ERI3: variants seen among roughly 807,000 people sequenced by gnomAD.
ERI3 encodes ERI1 exoribonuclease family member 3.
In ERI3, 18 loss-of-function variants were observed where a neutral mutation model predicts 44.4. The observed-to-expected ratio is 0.41, with a 90% CI of 0.28 to 0.60. The LOEUF is 0.60. ERI3 is among the 20% of genes least tolerant of loss of function. The probability of loss-of-function intolerance (pLI) is 0.36; values close to 1 mark genes in which losing one functional copy is unlikely to be tolerated. For missense variants in ERI3, 294 were observed against 435.5 expected (o/e 0.68, Z 2.89); for synonymous variants, 183 against 164.8 (o/e 1.11, Z -0.84).
At chr1:44,342,858 T>TAAATATATA in intron 2 of ERI3, among the ~76,000 whole-genome samples, 1 of 11,378 alleles carries the variant, frequency 8.8e-5, no homozygotes, top group Non-Finnish European at 1.6e-4. Context: ...TATATATATA[T>TAAATATATA]TTTTTTTTTT....
chr1:44,266,354 T>C (rs1644991010), intron 7 of ERI3, among the ~76,000 whole-genome samples: 1 of 152,224 alleles, frequency 6.6e-6, no homozygotes. Flanking sequence ...CCATACAGGC[T>C]ATCTTGACAC....
At chr1:44,233,395 A>C (rs1644231196) in intron 8 of ERI3, among the ~76,000 whole-genome samples, 4 of 149,592 alleles carry the variant, frequency 2.7e-5, no homozygotes, top group Admixed American at 2.7e-4. Flanking sequence ...GCCAAGCCTG[A>C]TGTCACGTTC....
At chr1:44,285,026 T>C in intron 6 of ERI3, 119 bp from the exon 7 acceptor site, 1 of 784,478 alleles carries the variant, frequency 1.3e-6, no homozygotes, top group East Asian at 2.7e-5. Flanking sequence ...GTCAACCCAT[T>C]AGCCATGGGT....
chr1:44,246,425 G>A (rs2786928), intron 8 of ERI3, among the ~76,000 whole-genome samples: 4,123 of 152,338 alleles, frequency 0.027, 85 homozygotes, highest in African/African-American at 0.057. Flanking sequence ...GTCTTCTCTA[G>A]ATTGTTTGGA....
intron 8 of ERI3, chr1:44,242,016 C>T: frequency 1.0e-6 from 1 of 985,718 alleles, no homozygotes; most frequent in Non-Finnish European, 1.2e-6. Flanking sequence ...CCAAGGGGGT[C>T]AGCTCAGGAA....
At chr1:44,302,196 C>T (rs991030682) in intron 6 of ERI3, among the ~76,000 whole-genome samples, 1 of 152,246 alleles carries the variant, frequency 6.6e-6, no homozygotes, top group Non-Finnish European at 1.5e-5. Flanking sequence ...GAGAAGCATT[C>T]ATATCTCTTT....
At chr1:44,352,453 GATAGATAGATAA>G (rs1481950811) in intron 2 of ERI3, among the ~76,000 whole-genome samples, 2 of 85,484 alleles carry the variant, frequency 2.3e-5, no homozygotes, top group Admixed American at 1.1e-4. Flanking sequence ...TAGATAGATA[GATAGATAGATAA>G]ATGTTTAAAG....
At chr1:44,291,148 T>C (rs1645499605) in intron 6 of ERI3, among the ~76,000 whole-genome samples, 1 of 152,206 alleles carries the variant, frequency 6.6e-6, no homozygotes, top group Non-Finnish European at 1.5e-5. Flanking sequence ...TAGGGGTTTC[T>C]CATTTCAACA....
chr1:44,323,205 C>G (rs1191829831), intron 3 of ERI3, among the ~76,000 whole-genome samples: 2 of 152,240 alleles, frequency 1.3e-5, no homozygotes. Context: ...AATTAAACTA[C>G]CTGAGTGCCT....
At chr1:44,340,133 T>C (rs1305691604) in intron 2 of ERI3, among the ~76,000 whole-genome samples, 6 of 146,794 alleles carry the variant, frequency 4.1e-5, no homozygotes. Flanking sequence ...AGTAAAGTTT[T>C]CTGAGTGAAC....
chr1:44,273,145 G>T (rs1025808067), intron 7 of ERI3, among the ~76,000 whole-genome samples: 1 of 152,182 alleles, frequency 6.6e-6, no homozygotes, highest in Non-Finnish European at 1.5e-5. Flanking sequence ...AATGTATTCT[G>T]TATGGAATAA....
chr1:44,227,725 G>A (rs954682589), intron 8 of ERI3, among the ~76,000 whole-genome samples: 4 of 152,158 alleles, frequency 2.6e-5, no homozygotes, highest in Admixed American at 2.6e-4. Context: ...GGCCAAGGCA[G>A]TGAGTTTAGG....
At chr1:44,317,459 C>T (rs1337287396) in intron 4 of ERI3, among the ~76,000 whole-genome samples, 1 of 151,284 alleles carries the variant, frequency 6.6e-6, no homozygotes, top group Non-Finnish European at 1.5e-5. Context: ...TACTTACTTA[C>T]TCAAAATAAC....
chr1:44,286,972 C>A lies in ERI3; in HGVS notation c.759-2065G>T, dbSNP rs530914848. ...AAAGGGCAGGGCCCCAGACCTTTCT[C>A]AGGGTATTAGACACCTAAGATCAGA... On this transcript the variant is annotated intron_variant, in intron 6 of 8. Transcript: ENST00000372257. Among the ~76,000 whole-genome samples, 49 of 152,330 alleles carry A rather than the reference C, an allele frequency of 3.2e-4. 1 individual carries two copies. In the South Asian group the frequency reaches 9.7e-3, roughly 30 times the overall value.
At chr1:44,296,887 A>C (rs561271351) in intron 6 of ERI3, among the ~76,000 whole-genome samples, 6 of 152,284 alleles carry the variant, frequency 3.9e-5, no homozygotes, top group African/African-American at 1.4e-4. Flanking sequence ...GTGGAAGAAG[A>C]GAGTGTTTGA....
chr1:44,289,260 C>T (rs1645456225), intron 6 of ERI3, among the ~76,000 whole-genome samples: 1 of 152,174 alleles, frequency 6.6e-6, no homozygotes, highest in Non-Finnish European at 1.5e-5. Flanking sequence ...AGGAAGGGTC[C>T]CCCAGTCCTG....
intron 8 of ERI3, among the ~76,000 whole-genome samples, chr1:44,245,059 C>T (rs1038261024): frequency 3.9e-5 from 6 of 152,198 alleles, no homozygotes; most frequent in Non-Finnish European, 8.8e-5. Flanking sequence ...AAGGACCAGC[C>T]TGAGTGGCCA....
chr1:44,241,693 C>T lies in ERI3; in HGVS notation c.931+6246G>A, dbSNP rs1306385293. ...CTGATTTCTTTGTCATTTAAGTCTG[C>T]GATGGTTTGACAGGAGATACAGAGA... On this transcript the variant is annotated intron_variant, in intron 8 of 8. Transcript: ENST00000372257. This position sits in a 1 kb window ranked among gnomAD's most constrained non-coding sequence, Gnocchi z 5.6. Among the ~76,000 whole-genome samples the T allele has an allele frequency of 6.6e-6, 1 of 152,056 alleles. No homozygotes were observed. The highest frequency in any genetic ancestry group is 1.5e-5 in the Non-Finnish European group (1 of 68,028).
intron 7 of ERI3, among the ~76,000 whole-genome samples, chr1:44,282,555 G>C (rs1327059500): frequency 1.3e-5 from 2 of 152,134 alleles, no homozygotes; most frequent in South Asian, 2.1e-4. Flanking sequence ...CCTGCACCAA[G>C]TCACACAGCA....
Sources: allele counts gnomAD v4.1 joint callset (sites outside exome capture counted in the v4.1 genomes callset), GRCh38; gene constraint gnomAD v4.1.1; non-coding constraint Gnocchi (gnomAD v3.1); transcripts MANE v1.5; gene names NCBI Gene and HGNC (gene_info 2026-07-23, HGNC 2026-07-21).